Variants in OSBP observed in about 807,000 individuals in gnomAD.
The protein encoded by OSBP is oxysterol-binding protein 1.
In OSBP, 32 loss-of-function variants were observed where a neutral mutation model predicts 96.6. That is an observed-to-expected ratio of 0.33 (90% CI 0.25 to 0.45). OSBP has a LOEUF of 0.45. Ranked by LOEUF, OSBP falls within the 20% of genes least tolerant of loss-of-function variation. The probability of loss-of-function intolerance (pLI) is 1.00; values close to 1 mark genes in which losing one functional copy is unlikely to be tolerated. For missense variants in OSBP, 653 were observed against 1,029.7 expected (o/e 0.63, Z 5.01); for synonymous variants, 369 against 389.6 (o/e 0.95, Z 0.62).
At chr11:59,600,944 T>C (rs913567266) in intron 5 of OSBP, 71 bp from the exon 6 acceptor site, 7 of 1,338,572 alleles carry the variant, frequency 5.2e-6, no homozygotes, top group Admixed American at 1.7e-5. Flanking sequence ...GACATTTCTT[T>C]ACAAAGCAGA....
chr11:59,580,120 GCTTT>G, intron 11 of OSBP, 50 bp downstream of exon 11: 3 of 1,175,898 alleles, frequency 2.6e-6, no homozygotes, highest in East Asian at 2.3e-5. Flanking sequence ...AAAGGAGTAT[GCTTT>G]CTAAGAGATA....
At chr11:59,601,478 C>CA (rs1488585096) in intron 4 of OSBP, 93 bp from the exon 5 acceptor site, 102 of 1,179,818 alleles carry the variant, frequency 8.6e-5, no homozygotes, top group Non-Finnish European at 1.2e-4. Flanking sequence ...ACAAACACAG[C>CA]AAAAAATGGT....
intron 11 of OSBP, among the ~76,000 whole-genome samples, chr11:59,578,755 A>G (rs2134650379): frequency 6.6e-6 from 1 of 152,204 alleles, no homozygotes; most frequent in Non-Finnish European, 1.5e-5. Context: ...CCTGGCCTCA[A>G]ATTATTTTGT....
chr11:59,586,784 T>C (rs1860504387), intron 9 of OSBP, among the ~76,000 whole-genome samples: 1 of 152,164 alleles, frequency 6.6e-6, no homozygotes, highest in Admixed American at 6.5e-5. Context: ...GACCACTCAA[T>C]GGGGACAGGA....
chr11:59,603,529 G>GTTTT (rs370609645), intron 3 of OSBP, among the ~76,000 whole-genome samples: 53 of 86,770 alleles, frequency 6.1e-4, no homozygotes, highest in East Asian at 1.2e-3. Flanking sequence ...ATCACCTTCA[G>GTTTT]TTTTTTTTTT....
rs547115894 is a variant in OSBP at position 59,588,310 on chromosome 11, G to A, written c.1678+5294C>T. On this transcript the variant is annotated intron_variant, in intron 9 of 13. Coordinates refer to ENST00000263847, the MANE Select transcript of OSBP (RefSeq NM_002556.3). ...GCACTTTGGGAGGCCAAGGCAGATG[G>A]ATCACTTGAGGTCAGGAGTTCAAGA... Among the ~76,000 whole-genome samples the A allele has an allele frequency of 3.3e-3, 500 of 152,204 alleles. 4 individuals are homozygous for A. The highest frequency in any genetic ancestry group is 0.012 in the African/African-American group (482 of 41,550).
At chr11:59,602,353 A>C (rs1860734303) in intron 3 of OSBP, among the ~76,000 whole-genome samples, 1 of 152,188 alleles carries the variant, frequency 6.6e-6, no homozygotes, top group Non-Finnish European at 1.5e-5. Context: ...GAAACAACTG[A>C]CCTTAAAAAT....
Position 59,575,089 on chromosome 11 carries a change from C to G in OSBP, c.*1488G>C. On this transcript the variant is annotated 3_prime_UTR_variant, in exon 14 of 14. Transcript: ENST00000263847. ...CCCACAGGAGCAATTATCTGATCCA[C>G]CCCACATGACGGTGCTTTAAGCCCC... 1 of 141,208 alleles carries G rather than the reference C, an allele frequency of 7.1e-6. No individual in the cohort carries two copies. Among genetic ancestry groups the G allele is most frequent in the African/African-American group, 2.6e-5 (1 of 39,158 alleles). 8.7% of individuals were successfully genotyped at this position (141,208 alleles called of 1,614,324 possible).
chr11:59,601,406 T>G (rs759290340), intron 4 of OSBP, 21 bp from the exon 5 acceptor site: 1 of 1,538,720 alleles, frequency 6.5e-7, no homozygotes, highest in South Asian at 1.1e-5. Flanking sequence ...AAAAGCCCCA[T>G]TTGTTGACTT....
intron 2 of OSBP, among the ~76,000 whole-genome samples, chr11:59,609,265 CA>C (rs1404068235): frequency 1.3e-5 from 2 of 151,898 alleles, no homozygotes; most frequent in Non-Finnish European, 2.9e-5. Context: ...GTCCACATTA[CA>C]AAAAAGGCCA....
At chr11:59,584,957 G>A (rs181809724) in intron 9 of OSBP, among the ~76,000 whole-genome samples, 56 of 152,354 alleles carry the variant, frequency 3.7e-4, no homozygotes, top group African/African-American at 1.3e-3. Flanking sequence ...GCCCAGGCTG[G>A]AGTGCAGTGG....
At chr11:59,584,904 A>C (rs1860475005) in intron 9 of OSBP, among the ~76,000 whole-genome samples, 1 of 152,182 alleles carries the variant, frequency 6.6e-6, no homozygotes, top group Non-Finnish European at 1.5e-5. Context: ...AATTCCACCA[A>C]AAAAAGAAAT....
chr11:59,578,382 C>CT (rs1565113206), intron 11 of OSBP, 52 bp from the exon 12 acceptor site: 9 of 1,539,948 alleles, frequency 5.8e-6, no homozygotes, highest in Non-Finnish European at 8.0e-6. Flanking sequence ...TGTGAATTAG[C>CT]TTACCTGACT....
chr11:59,592,082 G>C (rs1440485613), intron 9 of OSBP, among the ~76,000 whole-genome samples: 1 of 152,186 alleles, frequency 6.6e-6, no homozygotes, highest in African/African-American at 2.4e-5. Context: ...ACATCACATT[G>C]CAATACGGCC....
At chr11:59,598,817 T>C (rs1320535540) in intron 7 of OSBP, among the ~76,000 whole-genome samples, 1 of 152,226 alleles carries the variant, frequency 6.6e-6, no homozygotes, top group African/African-American at 2.4e-5. Flanking sequence ...CTTGAACTCC[T>C]GACCTCAAGT....
intron 1 of OSBP, among the ~76,000 whole-genome samples, chr11:59,613,203 C>T (rs1860874000): frequency 6.6e-6 from 1 of 152,048 alleles, no homozygotes; most frequent in Non-Finnish European, 1.5e-5. Context: ...CTCTGGATCC[C>T]GCTGGTTTGT....
chr11:59,611,231 T>C (rs1276144475), intron 1 of OSBP, among the ~76,000 whole-genome samples: 2 of 151,722 alleles, frequency 1.3e-5, no homozygotes, highest in Admixed American at 6.6e-5. Flanking sequence ...ATTTTAAAGG[T>C]ACAACTGAAT....
intron 9 of OSBP, among the ~76,000 whole-genome samples, chr11:59,587,439 T>A (rs1296933511): frequency 6.6e-5 from 10 of 151,540 alleles, no homozygotes; most frequent in African/African-American, 2.4e-4. Flanking sequence ...GAGGTGGAGG[T>A]TGCAGTGAGC....
chr11:59,597,517 C>T (rs1231632779), intron 7 of OSBP, among the ~76,000 whole-genome samples: 2 of 151,466 alleles, frequency 1.3e-5, no homozygotes, highest in African/African-American at 4.8e-5. Flanking sequence ...CCTAAGGCTA[C>T]TCATGGCCTT....
Sources: gnomAD v4.1 joint callset for allele counts (sites outside exome capture counted in the v4.1 genomes callset) on GRCh38, gnomAD v4.1.1 for gene constraint, MANE v1.5 for transcripts, NCBI Gene and HGNC (gene_info 2026-07-23, HGNC 2026-07-21) for gene names.